MIS18A: variants seen among roughly 807,000 people sequenced by gnomAD.
The protein encoded by MIS18A is MIS18 kinetochore protein A.
Under a neutral mutation model 25.0 loss-of-function variants are expected in MIS18A, and 14 were observed. The observed-to-expected ratio is 0.56, with a 90% CI of 0.37 to 0.88. The LOEUF is 0.88. MIS18A is among the 40% of genes least tolerant of loss of function. The probability of loss-of-function intolerance (pLI) is 0.00; values close to 1 mark genes in which losing one functional copy is unlikely to be tolerated. For synonymous variants in MIS18A, 134 were observed against 118.6 expected (o/e 1.13, Z -0.84); for missense variants, 292 against 290.8 (o/e 1.00, Z -0.03).
At chr21:32,198,978 G>A in the MIS18A span, among the ~76,000 whole-genome samples, 3 of 151,802 alleles carry the variant, frequency 2.0e-5, no homozygotes, top group African/African-American at 7.3e-5. Flanking sequence ...GAGTCAGAAC[G>A]TGTATTTCTA....
chr21:32,260,180 T>G, the MIS18A span: 5 of 148,526 alleles, frequency 3.4e-5, no homozygotes, highest in Admixed American at 1.4e-4. Context: ...GTTGGATCTC[T>G]GGAAAACACA....
At chr21:32,164,040 T>C in the MIS18A span, among the ~76,000 whole-genome samples, 17,116 of 152,076 alleles carry the variant, frequency 0.11, 1,528 homozygotes, top group African/African-American at 0.24. Context: ...GCAGTACTTG[T>C]GAGAACTAAG....
the MIS18A span, among the ~76,000 whole-genome samples, chr21:32,180,947 T>G: frequency 0.59 from 90,075 of 151,846 alleles, 27,512 homozygotes; most frequent in African/African-American, 0.74. Context: ...GGGAATGTGA[T>G]GGTTAATTTT....
the MIS18A span, among the ~76,000 whole-genome samples, chr21:32,188,475 C>T: frequency 6.6e-6 from 1 of 152,212 alleles, no homozygotes; most frequent in Non-Finnish European, 1.5e-5. Flanking sequence ...AAACATGCCC[C>T]ATTTTTGCAC....
At chr21:32,196,857 A>G in the MIS18A span, among the ~76,000 whole-genome samples, 1 of 152,194 alleles carries the variant, frequency 6.6e-6, no homozygotes, top group African/African-American at 2.4e-5. Flanking sequence ...AGGTAGATTG[A>G]TAGAAAGATA....
chr21:32,209,232 A>C, the MIS18A span, among the ~76,000 whole-genome samples: 2 of 152,210 alleles, frequency 1.3e-5, no homozygotes, highest in Non-Finnish European at 1.5e-5. Context: ...TCTTGCAAAA[A>C]GCTTAGCACA....
At chr21:32,222,951 A>AAAAGAAAG in the MIS18A span, among the ~76,000 whole-genome samples, 41 of 144,724 alleles carry the variant, frequency 2.8e-4, no homozygotes, top group African/African-American at 9.5e-4. Context: ...AAAAAAAAAA[A>AAAAGAAAG]AAAGAAAGAA....
In MIS18A at chr21:32,278,678, GAC is replaced by G. The variant is rs1459541942; in HGVS notation, c.334+1_334+2del. 6.5e-7 allele frequency: 1 copy of G among 1,540,960 alleles called. No individual in the cohort carries two copies. Among genetic ancestry groups the G allele is most frequent in the East Asian group, 2.3e-5 (1 of 43,054 alleles). ...CCCCCCTGCCCGGCTCGACCCAACTGACAGCGAAGCAGGATGCAGTTGGTGTC... is the reference window on the plus strand; with the variant it reads ...CCCCCCTGCCCGGCTCGACCCAACTGAGCGAAGCAGGATGCAGTTGGTGTC... On this transcript the variant is annotated splice_donor_variant, in intron 1 of 4. Transcript: ENST00000290130. LOFTEE classifies it high-confidence loss of function.
the MIS18A span, among the ~76,000 whole-genome samples, chr21:32,249,809 C>T: frequency 1.3e-5 from 2 of 152,164 alleles, no homozygotes; most frequent in East Asian, 1.9e-4. Flanking sequence ...CCGAGTCATT[C>T]ATGAGGGATC....
chr21:32,269,256 A>G, intron 4 of MIS18A, 139 bp from the exon 5 acceptor site: 1 of 641,052 alleles, frequency 1.6e-6, no homozygotes, highest in Non-Finnish European at 2.5e-6. Flanking sequence ...AGTGTTTAAC[A>G]AAACTATTTA....
At position 32,270,261 on chromosome 21, in the gene MIS18A, G is replaced by GC. The variant is rs2031688415; in HGVS notation, c.524+145dup. ...ATACCAAATAAAGAAGGAGGTCAAA[G>GC]CAAAAAAAAAAAAAATTACTGGCTT... On this transcript the variant is annotated intron_variant, in intron 3 of 4. Coordinates refer to ENST00000290130, the MANE Select transcript of MIS18A (RefSeq NM_018944.3). 7 of 671,814 alleles carry GC rather than the reference G, an allele frequency of 1.0e-5. No individual in the cohort carries two copies. In the Admixed American group the frequency reaches 2.9e-4, roughly 28 times the overall value. 41.6% of individuals were successfully genotyped at this position (671,814 alleles called of 1,614,324 possible).
the MIS18A span, among the ~76,000 whole-genome samples, chr21:32,187,835 G>A: frequency 6.6e-6 from 1 of 152,146 alleles, no homozygotes; most frequent in Non-Finnish European, 1.5e-5. Flanking sequence ...CTGGCATTAT[G>A]GACTGAATGC....
intron 2 of MIS18A, 33 bp from the exon 3 acceptor site, chr21:32,270,562 G>A (rs544047519): frequency 1.3e-5 from 20 of 1,495,108 alleles, no homozygotes; most frequent in African/African-American, 5.7e-5. Flanking sequence ...TTTAGGAAAC[G>A]AAGCAGCAAC....
the MIS18A span, among the ~76,000 whole-genome samples, chr21:32,218,476 C>T: frequency 6.6e-6 from 1 of 152,082 alleles, no homozygotes; most frequent in African/African-American, 2.4e-5. Flanking sequence ...CCTGTGTTAA[C>T]AAGTAAACAT....
intron 1 of MIS18A, among the ~76,000 whole-genome samples, chr21:32,275,506 C>A (rs904579725): frequency 6.6e-6 from 1 of 152,172 alleles, no homozygotes; most frequent in African/African-American, 2.4e-5. Context: ...CCCAGCCACA[C>A]ATCTTTTACT....
At chr21:32,168,313 T>A in the MIS18A span, among the ~76,000 whole-genome samples, 1 of 152,160 alleles carries the variant, frequency 6.6e-6, no homozygotes, top group South Asian at 2.1e-4. Flanking sequence ...CAAAAACATA[T>A]GTCATCTTCA....
At chr21:32,211,879 G>C in the MIS18A span, among the ~76,000 whole-genome samples, 7 of 152,142 alleles carry the variant, frequency 4.6e-5, no homozygotes, top group African/African-American at 1.7e-4. Flanking sequence ...GCATTTTTCA[G>C]AGACTAAATA....
At chr21:32,270,171 T>C (rs1478734547) in intron 3 of MIS18A, among the ~76,000 whole-genome samples, 7 of 152,102 alleles carry the variant, frequency 4.6e-5, no homozygotes, top group African/African-American at 1.2e-4. Context: ...CAACTGAATA[T>C]ACTTTTATTC....
chr21:32,250,640 G>A, the MIS18A span, among the ~76,000 whole-genome samples: 1 of 152,202 alleles, frequency 6.6e-6, no homozygotes, highest in Non-Finnish European at 1.5e-5. Flanking sequence ...TAGGTGGATT[G>A]GACAGATGTG....
Sources: allele counts gnomAD v4.1 joint callset (sites outside exome capture counted in the v4.1 genomes callset), GRCh38; gene constraint gnomAD v4.1.1; transcripts MANE v1.5; gene names NCBI Gene and HGNC (gene_info 2026-07-23, HGNC 2026-07-21).